Variants in CACNB2 observed in about 807,000 individuals in gnomAD.
CACNB2 encodes calcium voltage-gated channel auxiliary subunit beta 2.
In CACNB2, 42 loss-of-function variants were observed where a neutral mutation model predicts 73.3. That is an observed-to-expected ratio of 0.57 (90% confidence interval 0.45 to 0.74). The LOEUF (loss-of-function observed/expected upper bound fraction) is 0.74, where lower values mean the gene tolerates loss of function less well. CACNB2 is among the 30% of genes least tolerant of loss of function. CACNB2 has a pLI of 0.00. For missense variants in CACNB2, 940 were observed against 853.0 expected (o/e 1.10, Z -1.27); for synonymous variants, 348 against 310.3 (o/e 1.12, Z -1.28).
At position 18,315,526 on chromosome 10, in the gene CACNB2, A is replaced by AAC. The variant is rs527500673; in HGVS notation, c.214-86397_214-86396insCA. On this transcript the variant is annotated intron_variant, in intron 2 of 13. Transcript: ENST00000324631. ...AAAAAAAAAAAAAAAAAAAAAAAAA[A>AAC]AACTTTTTTTTTTTTTAATTAGCCA... Among the ~76,000 whole-genome samples the AAC allele has an allele frequency of 4.0e-4, 49 of 121,902 alleles. 2 individuals are homozygous for AAC. The highest frequency in any genetic ancestry group is 8.5e-4 in the African/African-American group (28 of 32,816). 80.0% of individuals were successfully genotyped at this position (121,902 alleles called of 152,430 possible). A position where few individuals can be genotyped will look rare whatever the true frequency, so the allele number is the denominator to read the frequency against.
intron 2 of CACNB2, among the ~76,000 whole-genome samples, chr10:18,285,986 G>T (rs1286016982): frequency 1.3e-5 from 2 of 152,190 alleles, no homozygotes; most frequent in Admixed American, 6.5e-5. Context: ...AACCAATCAT[G>T]TGGGAACACA....
intron 9 of CACNB2, among the ~76,000 whole-genome samples, chr10:18,524,890 TGTG>T (rs1045527378): frequency 4.7e-5 from 7 of 147,866 alleles, no homozygotes; most frequent in Non-Finnish European, 9.0e-5. Flanking sequence ...ATTAGCTAGG[TGTG>T]GTGGCATGCA....
intron 9 of CACNB2, among the ~76,000 whole-genome samples, chr10:18,522,781 G>A (rs2052036532): frequency 6.7e-6 from 1 of 149,892 alleles, no homozygotes. Flanking sequence ...GAAAAGCTGA[G>A]GCAGGAGAAT....
At chr10:18,357,179 G>A (rs967776545) in intron 2 of CACNB2, among the ~76,000 whole-genome samples, 1 of 149,176 alleles carries the variant, frequency 6.7e-6, no homozygotes, top group East Asian at 2.0e-4. Context: ...TCCTGACCTC[G>A]TGATCCGCCC....
rs16916891 is a variant in CACNB2, at chr10:18,149,591, A to G, written c.121-1292A>G. ...CTCATAACGCAAATGTTTGTAATAG[A>G]TTTCAGCTTGCCTAAGTGCTACATA... On this transcript the variant is annotated intron_variant, in intron 1 of 13. Transcript: ENST00000324631. Among the ~76,000 whole-genome samples the G allele has an allele frequency of 3.6e-3, 544 of 152,330 alleles. 2 individuals carry two copies. Among genetic ancestry groups the G allele is most frequent in the African/African-American group, 0.012 (504 of 41,578 alleles).
At chr10:18,208,848 C>G (rs1237247981) in intron 2 of CACNB2, among the ~76,000 whole-genome samples, 1 of 152,074 alleles carries the variant, frequency 6.6e-6, no homozygotes, top group Non-Finnish European at 1.5e-5. Flanking sequence ...AGCCCCTGAA[C>G]ACGTATTAAT....
chr10:18,251,758 A>G (rs1156859377), intron 2 of CACNB2, among the ~76,000 whole-genome samples: 1 of 152,202 alleles, frequency 6.6e-6, no homozygotes, highest in Non-Finnish European at 1.5e-5. Flanking sequence ...ACATCTTACC[A>G]TGGTGGAAAA....
chr10:18,157,605 A>T (rs934494909), intron 2 of CACNB2, among the ~76,000 whole-genome samples: 5 of 152,226 alleles, frequency 3.3e-5, no homozygotes, highest in African/African-American at 1.2e-4. Flanking sequence ...TCCCCGTTTC[A>T]CAGATGAGAA....
chr10:18,529,195 ACT>A (rs2052757787), intron 10 of CACNB2, among the ~76,000 whole-genome samples: 1 of 152,194 alleles, frequency 6.6e-6, no homozygotes, highest in East Asian at 1.9e-4. Context: ...AATTTTTTAG[ACT>A]CATCAGTGGA....
chr10:18,188,855 G>T (rs1032133537), intron 2 of CACNB2, among the ~76,000 whole-genome samples: 1 of 152,154 alleles, frequency 6.6e-6, no homozygotes, highest in Non-Finnish European at 1.5e-5. Flanking sequence ...CTGGGGACTA[G>T]TTCTATGCGT....
chr10:18,344,574 G>A (rs548210538), intron 2 of CACNB2, among the ~76,000 whole-genome samples: 1 of 152,070 alleles, frequency 6.6e-6, no homozygotes, highest in Non-Finnish European at 1.5e-5. Context: ...GTTTCACCAT[G>A]TTGGTCAGGC....
intron 2 of CACNB2, among the ~76,000 whole-genome samples, chr10:18,369,600 C>T (rs1029543671): frequency 6.6e-6 from 1 of 152,042 alleles, no homozygotes; most frequent in African/African-American, 2.4e-5. Flanking sequence ...GGAACTGGGC[C>T]ATTAGTGGAC....
At chr10:18,251,746 C>T (rs1203616913) in intron 2 of CACNB2, among the ~76,000 whole-genome samples, 1 of 152,196 alleles carries the variant, frequency 6.6e-6, no homozygotes. Context: ...GGGGAAGCAA[C>T]CACATCTTAC....
At chr10:18,521,734 T>G (rs150634503) in intron 9 of CACNB2, among the ~76,000 whole-genome samples, 11 of 152,296 alleles carry the variant, frequency 7.2e-5, no homozygotes, top group Admixed American at 1.3e-4. Flanking sequence ...GAGTCCAAAA[T>G]GGAAACCTCA....
intron 2 of CACNB2, among the ~76,000 whole-genome samples, chr10:18,220,268 GAGAGAGAA>G (rs1306118277): frequency 2.6e-3 from 326 of 125,034 alleles, no homozygotes; most frequent in African/African-American, 4.5e-3. Context: ...GAGAGAGAGA[GAGAGAGAA>G]AGAGAGAGAA....
chr10:18,454,777 G>A (rs960712649), intron 3 of CACNB2, among the ~76,000 whole-genome samples: 79 of 152,272 alleles, frequency 5.2e-4, no homozygotes, highest in African/African-American at 1.9e-3. Context: ...TGTGGCTCAC[G>A]CCTGCAATCT....
intron 2 of CACNB2, among the ~76,000 whole-genome samples, chr10:18,183,198 A>G (rs56241630): frequency 0.076 from 11,594 of 152,158 alleles, 532 homozygotes; most frequent in East Asian, 0.24. Context: ...GAGATATTAT[A>G]TGTGAAGTGC....
intron 3 of CACNB2, among the ~76,000 whole-genome samples, chr10:18,487,344 A>C (rs1191372441): frequency 6.6e-6 from 1 of 152,150 alleles, no homozygotes; most frequent in African/African-American, 2.4e-5. Flanking sequence ...TTGATTTTTC[A>C]GGCTGCTTTT....
chr10:18,158,058 T>TC (rs2032188756), intron 2 of CACNB2, among the ~76,000 whole-genome samples: 1 of 152,210 alleles, frequency 6.6e-6, no homozygotes, highest in Non-Finnish European at 1.5e-5. Flanking sequence ...TTTATTTTTT[T>TC]CCTTTCTCCC....
Sources: gnomAD v4.1 joint callset for allele counts (sites outside exome capture counted in the v4.1 genomes callset) on GRCh38, gnomAD v4.1.1 for gene constraint, MANE v1.5 for transcripts, NCBI Gene and HGNC (gene_info 2026-07-23, HGNC 2026-07-21) for gene names.